The following MBD5 variants were observed in gnomAD, a reference collection of about 807,000 sequenced individuals.
MBD5 encodes methyl-CpG binding domain protein 5.
MBD5 carries 13 observed loss-of-function variants against 117.3 expected under a neutral mutation model. The observed-to-expected ratio is 0.11, with a 90% confidence interval of 0.07 to 0.18. The LOEUF is 0.18. MBD5 is among the 10% of genes least tolerant of loss of function. The pLI is 1.00. For missense variants in MBD5, 1,879 were observed against 2,093.8 expected (o/e 0.90, Z 2.00); for synonymous variants, 727 against 766.4 (o/e 0.95, Z 0.85).
At chr2:148,080,066 C>G (rs116411775) in intron 1 of MBD5, among the ~76,000 whole-genome samples, 1 of 152,006 alleles carries the variant, frequency 6.6e-6, no homozygotes, top group Admixed American at 6.6e-5. Context: ...AAAACAAAAT[C>G]GAAACAAACA....
At chr2:148,058,201 A>G (rs1476783853) in intron 1 of MBD5, among the ~76,000 whole-genome samples, 1 of 151,992 alleles carries the variant, frequency 6.6e-6, no homozygotes, top group Admixed American at 6.6e-5. Context: ...ACATTTCTGT[A>G]GCATTTAAAC....
At chr2:148,322,908 C>T (rs10175900) in intron 3 of MBD5, among the ~76,000 whole-genome samples, 1 of 149,680 alleles carries the variant, frequency 6.7e-6, no homozygotes, top group East Asian at 2.0e-4. Flanking sequence ...GGTTAGTTAC[C>T]TATGTATACA....
chr2:148,096,054 A>G (rs1696061597), intron 1 of MBD5, among the ~76,000 whole-genome samples: 1 of 152,148 alleles, frequency 6.6e-6, no homozygotes, highest in Non-Finnish European at 1.5e-5. Context: ...TTTTTCTGGT[A>G]TGCTTTTGAC....
intron 8 of MBD5, among the ~76,000 whole-genome samples, chr2:148,477,195 G>T (rs536410901): frequency 6.6e-6 from 1 of 151,930 alleles, no homozygotes; most frequent in South Asian, 2.1e-4. Context: ...TGATCCCCTT[G>T]ATAGTCATAA....
intron 4 of MBD5, among the ~76,000 whole-genome samples, chr2:148,348,252 C>T (rs1026799955): frequency 1.3e-5 from 2 of 151,858 alleles, no homozygotes; most frequent in Non-Finnish European, 2.9e-5. Flanking sequence ...TTAGCCCGTA[C>T]CTGTTCCTCT....
chr2:148,126,287 C>G (rs530191729), intron 1 of MBD5, among the ~76,000 whole-genome samples: 1 of 151,488 alleles, frequency 6.6e-6, no homozygotes, highest in East Asian at 1.9e-4. Context: ...TGCCTCTAGT[C>G]CCAGCTACTT....
chr2:148,158,720 T>C (rs201414283), intron 1 of MBD5, among the ~76,000 whole-genome samples: 1 of 145,808 alleles, frequency 6.9e-6, no homozygotes, highest in Non-Finnish European at 1.5e-5. Flanking sequence ...TGTTTGTTTG[T>C]TTTATTTATT....
chr2:148,091,942 A>G (rs1409339193), intron 1 of MBD5, among the ~76,000 whole-genome samples: 2 of 152,222 alleles, frequency 1.3e-5, no homozygotes, highest in African/African-American at 4.8e-5. Flanking sequence ...TCTGGAATCT[A>G]CAAGGAACTC....
chr2:148,385,022 C>T (rs1704302781), intron 4 of MBD5, among the ~76,000 whole-genome samples: 1 of 152,126 alleles, frequency 6.6e-6, no homozygotes, highest in Non-Finnish European at 1.5e-5. Flanking sequence ...AGAAGAAAAC[C>T]TAGGCAATAC....
intron 3 of MBD5, among the ~76,000 whole-genome samples, chr2:148,294,196 G>GTTTTTTTTTTTTTTTTTT (rs60942822): frequency 7.9e-6 from 1 of 127,148 alleles, no homozygotes; most frequent in African/African-American, 3.0e-5. Context: ...CCAGAATGAA[G>GTTTTTTTTTTTTTTTTTT]TTTTTTTTTT....
chr2:148,300,016 A>G (rs1276622620), intron 3 of MBD5, among the ~76,000 whole-genome samples: 2 of 152,126 alleles, frequency 1.3e-5, no homozygotes, highest in Admixed American at 1.3e-4. Context: ...ATGAGATATC[A>G]GGGACCCAGT....
intron 3 of MBD5, among the ~76,000 whole-genome samples, chr2:148,340,032 C>G (rs975793245): frequency 1.3e-5 from 2 of 151,918 alleles, no homozygotes; most frequent in African/African-American, 2.4e-5. Context: ...GATTTGGGTC[C>G]CTCTCTCCCT....
intron 1 of MBD5, among the ~76,000 whole-genome samples, chr2:148,171,348 T>G (rs137960593): frequency 6.6e-6 from 1 of 152,216 alleles, no homozygotes; most frequent in African/African-American, 2.4e-5. Context: ...TCAATAAATG[T>G]GATACATTGC....
chr2:148,513,167 A>C lies in MBD5; in HGVS notation c.*226A>C. The C allele has an allele frequency of 1.8e-6, 1 of 546,638 alleles. No homozygotes were observed. 33.9% of individuals were successfully genotyped at this position (546,638 alleles called of 1,614,324 possible). ...AGTCTCTGTGTGATGAGAGTGATCAATGGTCAAGAGATTACTGAGAAACTC... is the reference window on the plus strand; with the variant it reads ...AGTCTCTGTGTGATGAGAGTGATCACTGGTCAAGAGATTACTGAGAAACTC... On this transcript the variant is annotated 3_prime_UTR_variant, in exon 14 of 14. Transcript: ENST00000642680.
chr2:148,410,625 T>G (rs919954874), intron 4 of MBD5, among the ~76,000 whole-genome samples: 2 of 152,012 alleles, frequency 1.3e-5, no homozygotes, highest in African/African-American at 4.8e-5. Flanking sequence ...GTGACAGACT[T>G]TTTCCACTTT....
intron 1 of MBD5, among the ~76,000 whole-genome samples, chr2:148,161,349 TG>T (rs1698002936): frequency 6.6e-6 from 1 of 152,182 alleles, no homozygotes; most frequent in Non-Finnish European, 1.5e-5. Context: ...TCTGGCATTA[TG>T]GGGATGCTGG....
Position 148,290,343 on chromosome 2 carries a change from C to T in MBD5, c.-679-51871C>T, listed in dbSNP as rs74552425. Among the ~76,000 whole-genome samples the T allele has an allele frequency of 8.4e-3, 1,275 of 151,754 alleles. 22 individuals are homozygous for T. The highest frequency in any genetic ancestry group is 0.029 in the African/African-American group (1,194 of 41,380). On this transcript the variant is annotated intron_variant, in intron 3 of 13. Coordinates refer to ENST00000642680, the MANE Select transcript of MBD5 (RefSeq NM_001378120.1). ...AAACAATAAACACTTAAATCATTCT[C>T]TTGGGAAAGATATATTTCTTAAGAA...
intron 1 of MBD5, among the ~76,000 whole-genome samples, chr2:148,067,659 C>A (rs928895471): frequency 1.3e-5 from 2 of 152,168 alleles, no homozygotes; most frequent in Non-Finnish European, 2.9e-5. Context: ...AGAAAATTTT[C>A]TTCGATTCAT....
At chr2:148,246,909 T>C (rs1040509766) in intron 3 of MBD5, among the ~76,000 whole-genome samples, 1 of 152,172 alleles carries the variant, frequency 6.6e-6, no homozygotes, top group Non-Finnish European at 1.5e-5. Context: ...TCACGGATGA[T>C]GACTTAGCAT....
Sources: allele counts gnomAD v4.1 joint callset (sites outside exome capture counted in the v4.1 genomes callset), GRCh38; gene constraint gnomAD v4.1.1; transcripts MANE v1.5; gene names NCBI Gene and HGNC (gene_info 2026-07-23, HGNC 2026-07-21).